ANKS1B: variants seen among roughly 807,000 people sequenced by gnomAD.
The protein encoded by ANKS1B is ankyrin repeat and sterile alpha motif domain containing 1B.
Under a neutral mutation model 148.3 loss-of-function variants are expected in ANKS1B, and 36 were observed. The ratio of observed to expected loss-of-function variants is 0.24; its 90% CI spans 0.19 to 0.32. The LOEUF (loss-of-function observed/expected upper bound fraction) is 0.32. Ranked by LOEUF, ANKS1B falls within the 10% of genes least tolerant of loss-of-function variation. The probability of loss-of-function intolerance (pLI) is 1.00; values close to 1 mark genes in which losing one functional copy is unlikely to be tolerated. For synonymous variants in ANKS1B, 542 were observed against 560.8 expected, an observed-to-expected ratio of 0.97 and a Z score of 0.47; for missense variants, 1,157 against 1,542.6, an observed-to-expected ratio of 0.75 and a Z score of 4.19.
At chr12:98,917,634 C>T (rs1388974776) in intron 17 of ANKS1B, among the ~76,000 whole-genome samples, 2 of 152,126 alleles carry the variant, frequency 1.3e-5, no homozygotes, top group African/African-American at 4.8e-5. Context: ...TGTGAGTATT[C>T]GGGATGAAAA....
At chr12:98,960,008 C>T (rs187558643) in intron 17 of ANKS1B, among the ~76,000 whole-genome samples, 50 of 152,300 alleles carry the variant, frequency 3.3e-4, no homozygotes, top group Middle Eastern at 3.4e-3. Context: ...GACTGTAGGA[C>T]CTGGCTCCTG....
chr12:99,220,930 T>C (rs1413085741), intron 14 of ANKS1B, among the ~76,000 whole-genome samples: 1 of 152,180 alleles, frequency 6.6e-6, no homozygotes, highest in Admixed American at 6.5e-5. Context: ...GAAGAAATTA[T>C]AATAAGATTC....
intron 11 of ANKS1B, among the ~76,000 whole-genome samples, chr12:99,415,734 A>T (rs1222911077): frequency 1.3e-5 from 2 of 151,842 alleles, no homozygotes; most frequent in Non-Finnish European, 2.9e-5. Flanking sequence ...CCCAGGCTGG[A>T]GTGTAGTGGT....
rs1290444718 is a variant in ANKS1B, at chr12:98,829,903, C to T, written c.2887-550G>A. Reference sequence around the variant, plus strand: ...CAAAGACAACTCCATCCAAGGGAAACGGGTCAGGAGGAAGATAGGGGGCAT... The same window carrying T: ...CAAAGACAACTCCATCCAAGGGAAATGGGTCAGGAGGAAGATAGGGGGCAT... On this transcript the variant is annotated intron_variant, in intron 18 of 26. Coordinates refer to ENST00000683438, the MANE Select transcript of ANKS1B (RefSeq NM_001352186.2). The surrounding 1 kb of genome is among the most constrained non-coding windows in gnomAD (Gnocchi z 5.2). 1.3e-5 allele frequency among the ~76,000 whole-genome samples: 2 copies of T among 152,168 alleles called. No individual in the cohort carries two copies. Among genetic ancestry groups the T allele is most frequent in the Admixed American group, 6.5e-5 (1 of 15,278 alleles).
intron 1 of ANKS1B, among the ~76,000 whole-genome samples, chr12:99,882,951 C>G (rs2092614193): frequency 1.3e-5 from 2 of 152,154 alleles, no homozygotes; most frequent in African/African-American, 4.8e-5. Context: ...TAAAGACATT[C>G]TTACATGAAG....
chr12:99,517,451 C>T (rs950443260), intron 9 of ANKS1B, among the ~76,000 whole-genome samples: 1 of 151,708 alleles, frequency 6.6e-6, no homozygotes, highest in Non-Finnish European at 1.5e-5. Flanking sequence ...GGTGTGGTGG[C>T]TCACACCTGT....
chr12:99,563,916 T>C (rs537619401), intron 9 of ANKS1B, among the ~76,000 whole-genome samples: 1 of 152,310 alleles, frequency 6.6e-6, no homozygotes, highest in East Asian at 1.9e-4. Context: ...AGCCAAATAA[T>C]GTACTTACCC....
At chr12:99,346,044 C>T (rs1278318339) in intron 12 of ANKS1B, among the ~76,000 whole-genome samples, 2 of 151,874 alleles carry the variant, frequency 1.3e-5, no homozygotes, top group Non-Finnish European at 2.9e-5. Flanking sequence ...ATTTGGAGAA[C>T]ATTTTTTTTC....
intron 1 of ANKS1B, among the ~76,000 whole-genome samples, chr12:99,888,615 G>C (rs901336069): frequency 6.6e-5 from 10 of 152,054 alleles, no homozygotes; most frequent in Non-Finnish European, 1.5e-4. Flanking sequence ...AAAAAGATCG[G>C]CCAACTAAAA....
chr12:99,103,109 T>A (rs111878718), intron 15 of ANKS1B, among the ~76,000 whole-genome samples: 1 of 152,054 alleles, frequency 6.6e-6, no homozygotes, highest in East Asian at 1.9e-4. Flanking sequence ...TGGGGTGAGA[T>A]AAAGGGCCTG....
At chr12:98,975,263 TCCTCCCTC>T (rs1193484909) in intron 17 of ANKS1B, among the ~76,000 whole-genome samples, 7 of 128,138 alleles carry the variant, frequency 5.5e-5, no homozygotes, top group African/African-American at 2.1e-4. Context: ...TTTCCTTCAT[TCCTCCCTC>T]CCTCCCTTCC....
At chr12:98,788,397 T>C (rs980266676) in intron 22 of ANKS1B, among the ~76,000 whole-genome samples, 1 of 152,176 alleles carries the variant, frequency 6.6e-6, no homozygotes, top group African/African-American at 2.4e-5. Context: ...GAAGGATTCC[T>C]AAGGGCAGCT....
intron 12 of ANKS1B, among the ~76,000 whole-genome samples, chr12:99,290,091 C>T (rs919737322): frequency 2.6e-5 from 4 of 151,690 alleles, no homozygotes; most frequent in African/African-American, 9.7e-5. Flanking sequence ...GATACTACAA[C>T]TGATACTCCA....
chr12:99,163,210 T>A (rs1273814581), intron 14 of ANKS1B, among the ~76,000 whole-genome samples: 1 of 152,238 alleles, frequency 6.6e-6, no homozygotes, highest in African/African-American at 2.4e-5. Flanking sequence ...TTTATTCAGT[T>A]CTTTGCCTGA....
chr12:99,443,444 T>G (rs2095583169), intron 11 of ANKS1B, among the ~76,000 whole-genome samples: 1 of 152,008 alleles, frequency 6.6e-6, no homozygotes, highest in Non-Finnish European at 1.5e-5. Context: ...TAAGTCTCAC[T>G]GCTTCATGTA....
At chr12:99,251,568 C>T (rs546185447) in intron 12 of ANKS1B, among the ~76,000 whole-genome samples, 1 of 152,234 alleles carries the variant, frequency 6.6e-6, no homozygotes, top group South Asian at 2.1e-4. Context: ...GAATTCCAAT[C>T]TGATAGTTAT....
At chr12:99,219,603 A>G (rs1288823322) in intron 14 of ANKS1B, among the ~76,000 whole-genome samples, 1 of 152,214 alleles carries the variant, frequency 6.6e-6, no homozygotes, top group African/African-American at 2.4e-5. Flanking sequence ...GTCAAAGGTT[A>G]CAGGCTTTTG....
chr12:98,902,997 TA>T (rs2099774155), intron 17 of ANKS1B, among the ~76,000 whole-genome samples: 1 of 152,356 alleles, frequency 6.6e-6, no homozygotes, highest in Non-Finnish European at 1.5e-5. Context: ...AAAATGATTT[TA>T]TTTTTTTCTC....
chr12:99,918,631 A>G (rs556127399), intron 1 of ANKS1B, among the ~76,000 whole-genome samples: 4 of 152,210 alleles, frequency 2.6e-5, no homozygotes, highest in Non-Finnish European at 5.9e-5. Flanking sequence ...ATCTGTTTTT[A>G]AAGTTCATGT....
Sources: allele counts gnomAD v4.1 joint callset (sites outside exome capture counted in the v4.1 genomes callset), GRCh38; gene constraint gnomAD v4.1.1; non-coding constraint Gnocchi (gnomAD v3.1); transcripts MANE v1.5; gene names NCBI Gene and HGNC (gene_info 2026-07-23, HGNC 2026-07-21).